GALNT13: variants seen among roughly 807,000 people sequenced by gnomAD.
GALNT13 encodes the protein UDP-GalNAc:polypeptide N-acetylgalactosaminyltransferase 13.
In GALNT13, 28 loss-of-function variants were observed where a neutral mutation model predicts 64.2. The ratio of observed to expected loss-of-function variants is 0.44; its 90% CI spans 0.32 to 0.60. The LOEUF (loss-of-function observed/expected upper bound fraction) is 0.60, where lower values mean the gene tolerates loss of function less well. Ranked by LOEUF, GALNT13 falls within the 20% of genes least tolerant of loss-of-function variation. The pLI, the probability that GALNT13 is intolerant of heterozygous loss-of-function variation, is 0.05. For synonymous variants in GALNT13, 214 were observed against 224.6 expected (o/e 0.95, Z 0.42); for missense variants, 577 against 669.8 (o/e 0.86, Z 1.53).
chr2:153,574,134 T>G, the GALNT13 span, among the ~76,000 whole-genome samples: 1 of 151,862 alleles, frequency 6.6e-6, no homozygotes, highest in East Asian at 1.9e-4. Context: ...GTAAAGTTTT[T>G]TTTTTTTTTT....
chr2:153,473,074 A>G, the GALNT13 span, among the ~76,000 whole-genome samples: 14 of 152,218 alleles, frequency 9.2e-5, no homozygotes, highest in African/African-American at 3.4e-4. Context: ...TAGGAGAAAT[A>G]CCTAATGTAG....
chr2:154,148,358 C>T (rs992320859), intron 4 of GALNT13, among the ~76,000 whole-genome samples: 3 of 152,108 alleles, frequency 2.0e-5, no homozygotes, highest in African/African-American at 7.2e-5. Flanking sequence ...CAAGTCTTTG[C>T]TATTGTGAAT....
chr2:154,036,070 T>C (rs1057301070), intron 3 of GALNT13, among the ~76,000 whole-genome samples: 1 of 152,066 alleles, frequency 6.6e-6, no homozygotes, highest in African/African-American at 2.4e-5. Flanking sequence ...CCTTAGTATA[T>C]ATAAATGTAG....
At chr2:154,277,505 G>A (rs1691714130) in intron 8 of GALNT13, among the ~76,000 whole-genome samples, 1 of 152,028 alleles carries the variant, frequency 6.6e-6, no homozygotes, top group South Asian at 2.1e-4. Context: ...TTTTACTGTT[G>A]TTCTAGTCAA....
At chr2:153,962,744 A>T (rs1693030505) in intron 3 of GALNT13, among the ~76,000 whole-genome samples, 1 of 152,186 alleles carries the variant, frequency 6.6e-6, no homozygotes, top group Non-Finnish European at 1.5e-5. Flanking sequence ...CTCAGATTTA[A>T]TCTCACAATC....
the GALNT13 span, among the ~76,000 whole-genome samples, chr2:153,089,185 C>T: frequency 6.6e-6 from 1 of 152,212 alleles, no homozygotes; most frequent in Non-Finnish European, 1.5e-5. Context: ...TGAATTCTCT[C>T]AGCATTTGTT....
At position 153,944,444 on chromosome 2, in the gene GALNT13, A is replaced by G. The variant is rs959344620; in HGVS notation, c.-54A>G. ...GAGTTCACCTGTGTGGCTTGGATTT[A>G]TCACAGTAGCATTTGTCTTCAATCT... On this transcript the variant is annotated 5_prime_UTR_variant, in exon 3 of 13. Coordinates refer to ENST00000392825, the MANE Select transcript of GALNT13 (RefSeq NM_052917.4). 1.0e-5 allele frequency: 16 copies of G among 1,557,250 alleles called. No homozygotes were observed. The highest frequency in any genetic ancestry group is 1.3e-5 in the Non-Finnish European group (15 of 1,138,968).
chr2:154,132,224 T>C (rs988667802), intron 3 of GALNT13, among the ~76,000 whole-genome samples: 1 of 152,116 alleles, frequency 6.6e-6, no homozygotes, highest in Non-Finnish European at 1.5e-5. Flanking sequence ...ACCATCATAG[T>C]AGGTAATGTA....
At chr2:153,421,087 T>C in the GALNT13 span, 1 of 250,282 alleles carries the variant, frequency 4.0e-6, no homozygotes, top group Non-Finnish European at 8.5e-6. Flanking sequence ...GCCATGTATT[T>C]ACCATAGTGA....
the GALNT13 span, among the ~76,000 whole-genome samples, chr2:153,761,286 G>T: frequency 2.0e-5 from 3 of 151,746 alleles, no homozygotes; most frequent in Non-Finnish European, 4.4e-5. Flanking sequence ...CTGCTTTTTT[G>T]AGCTTTTATA....
chr2:153,893,479 A>G (rs1310284509), intron 1 of GALNT13, among the ~76,000 whole-genome samples: 1 of 152,088 alleles, frequency 6.6e-6, no homozygotes, highest in African/African-American at 2.4e-5. Flanking sequence ...TATGAAAATT[A>G]CTTACATTTT....
chr2:154,035,182 GAC>G (rs1698585565), intron 3 of GALNT13, among the ~76,000 whole-genome samples: 1 of 152,026 alleles, frequency 6.6e-6, no homozygotes, highest in Admixed American at 6.6e-5. Flanking sequence ...CACACACATA[GAC>G]ACACTTGGAT....
the GALNT13 span, among the ~76,000 whole-genome samples, chr2:153,483,589 T>A: frequency 6.6e-6 from 1 of 151,944 alleles, no homozygotes. Context: ...GCTAATTTTG[T>A]ATTTTTAGTA....
At chr2:153,199,018 T>C in the GALNT13 span, among the ~76,000 whole-genome samples, 1 of 152,184 alleles carries the variant, frequency 6.6e-6, no homozygotes, top group African/African-American at 2.4e-5. Context: ...TATGTGAGCC[T>C]TCATTCCTCT....
chr2:153,804,206 T>C, the GALNT13 span, among the ~76,000 whole-genome samples: 19 of 152,212 alleles, frequency 1.2e-4, no homozygotes, highest in Non-Finnish European at 2.5e-4. Context: ...TCTTGCCCTG[T>C]GGCCGAGGCT....
At chr2:153,497,213 T>C in the GALNT13 span, among the ~76,000 whole-genome samples, 1 of 152,050 alleles carries the variant, frequency 6.6e-6, no homozygotes, top group African/African-American at 2.4e-5. Flanking sequence ...CCTATTTACA[T>C]CTCACGGAGC....
chr2:154,255,055 A>G (rs1395338260), intron 7 of GALNT13, among the ~76,000 whole-genome samples: 3 of 152,212 alleles, frequency 2.0e-5, no homozygotes, highest in African/African-American at 4.8e-5. Context: ...ACAGCAAGGA[A>G]AAAGGAGGGG....
chr2:153,210,249 G>T, the GALNT13 span, among the ~76,000 whole-genome samples: 1 of 152,042 alleles, frequency 6.6e-6, no homozygotes, highest in Admixed American at 6.5e-5. Flanking sequence ...TTCTTGCTTT[G>T]CTTCCAGTCT....
chr2:154,060,430 G>A (rs577256595), intron 3 of GALNT13, among the ~76,000 whole-genome samples: 39 of 152,026 alleles, frequency 2.6e-4, no homozygotes, highest in Middle Eastern at 3.4e-3. Flanking sequence ...ATCTCATCTC[G>A]TTGCAACCTC....
Sources: allele counts gnomAD v4.1 joint callset (sites outside exome capture counted in the v4.1 genomes callset), GRCh38; gene constraint gnomAD v4.1.1; transcripts MANE v1.5; gene names NCBI Gene and HGNC (gene_info 2026-07-23, HGNC 2026-07-21).